Variants in ZNF330 observed in about 807,000 individuals in gnomAD.
ZNF330 encodes the protein zinc finger protein 330.
In ZNF330, 31 loss-of-function variants were observed where a neutral mutation model predicts 45.5. The observed-to-expected ratio is 0.68, with a 90% CI of 0.51 to 0.92. The LOEUF (loss-of-function observed/expected upper bound fraction) is 0.92, where lower values mean the gene tolerates loss of function less well. Ranked by LOEUF, ZNF330 falls within the 40% of genes least tolerant of loss-of-function variation. The pLI, the probability that ZNF330 is intolerant of heterozygous loss-of-function variation, is 0.00. For synonymous variants in ZNF330, 138 were observed against 123.2 expected (o/e 1.12, Z -0.79); for missense variants, 356 against 387.4 (o/e 0.92, Z 0.68).
In ZNF330 at chr4:141,229,433, T is replaced by C. The variant is rs866380515; in HGVS notation, c.292-138T>C. On this transcript the variant is annotated intron_variant, in intron 5 of 9. Coordinates refer to ENST00000262990, the MANE Select transcript of ZNF330 (RefSeq NM_014487.6). Reference sequence around the variant, plus strand: ...TTTTGGCTTAGAGTGAGTAGTAAAATGTTTAAATGAAGCGGCCTACTATCA... The same window carrying C: ...TTTTGGCTTAGAGTGAGTAGTAAAACGTTTAAATGAAGCGGCCTACTATCA... 1.6e-5 allele frequency: 18 copies of C among 1,120,324 alleles called. No homozygotes were observed. In the African/African-American group the frequency reaches 2.3e-4, roughly 15 times the overall value. 69.4% of individuals were successfully genotyped at this position (1,120,324 alleles called of 1,614,324 possible).
In ZNF330 at chr4:141,232,653, T is replaced by G; in HGVS notation, c.688+11T>G. The G allele has an allele frequency of 1.4e-6, 2 of 1,439,208 alleles. No individual in the cohort carries two copies. Among genetic ancestry groups the G allele is most frequent in the South Asian group, 1.4e-5 (1 of 69,444 alleles). 89.2% of individuals were successfully genotyped at this position (1,439,208 alleles called of 1,614,324 possible). A position where few individuals can be genotyped will look rare whatever the true frequency, so the allele number is the denominator to read the frequency against. ...ACCTTAGCATGTCAAGTAAGGCCCT[T>G]AAGATACTAAGGAAGTGATTTTTGC... On this transcript the variant is annotated intron_variant, in intron 9 of 9. Transcript: ENST00000262990.
At position 141,232,535 on chromosome 4, in the gene ZNF330, G is replaced by A. The variant is rs1339178951; in HGVS notation, c.581G>A (p.Cys194Tyr). 1.3e-6 allele frequency: 2 copies of A among 1,569,940 alleles called. No homozygotes were observed. Among genetic ancestry groups the A allele is most frequent in the Non-Finnish European group, 1.7e-6 (2 of 1,161,178 alleles). The change falls in exon 9 of 10, where the codon TGT becomes TAT. Residue 194 changes from cysteine (C) to tyrosine (Y), a missense_variant. Cys to Tyr is a radical substitution (Grantham distance 194, BLOSUM62 -2). Transcript: ENST00000262990. ...GCTTCTCCTATACAGGCTTGTTTCTGTGATGATCATACAAGGAGCAAAGTG... is the reference window on the plus strand; with the variant it reads ...GCTTCTCCTATACAGGCTTGTTTCTATGATGATCATACAAGGAGCAAAGTG... ...HSCLRCKACFCDDHTRSKVFK... is the reference protein window; with the variant it reads ...HSCLRCKACFYDDHTRSKVFK...
At chr4:141,222,522 T>G in intron 2 of ZNF330, 31 bp downstream of exon 2, 1 of 1,600,460 alleles carries the variant, frequency 6.2e-7, no homozygotes, top group Non-Finnish European at 8.5e-7. Flanking sequence ...CAGTTGGTAG[T>G]TGGAAAAACT....
chr4:141,224,577 A>G (rs1415968507), intron 3 of ZNF330, 30 bp from the exon 4 acceptor site: 1 of 1,611,594 alleles, frequency 6.2e-7, no homozygotes, highest in East Asian at 2.2e-5. Context: ...GACATTGACC[A>G]TAATTTAAAA....
chr4:141,231,557 A>G, intron 8 of ZNF330, 72 bp downstream of exon 8: 1 of 1,055,828 alleles, frequency 9.5e-7, no homozygotes, highest in South Asian at 1.6e-5. Context: ...TCCTTGGCTT[A>G]TATGCAGCTA....
At chr4:141,226,246 G>T (rs1023403374) in intron 4 of ZNF330, among the ~76,000 whole-genome samples, 1 of 151,984 alleles carries the variant, frequency 6.6e-6, no homozygotes, top group Non-Finnish European at 1.5e-5. Flanking sequence ...TTAACTGGGG[G>T]CTTCGTTGTA....
Position 141,222,508 on chromosome 4 carries a change from A to G in ZNF330, c.120+17A>G, listed in dbSNP as rs776459982. 37 of 1,605,188 alleles carry G rather than the reference A, an allele frequency of 2.3e-5. No individual in the cohort carries two copies. The highest frequency in any genetic ancestry group is 3.0e-5 in the Non-Finnish European group (35 of 1,176,916). ...GCCTCAATGGTATCAGCTTTTTTTG[A>G]TATCAGTTGGTAGTTGGAAAAACTA... On this transcript the variant is annotated intron_variant, in intron 2 of 9. Coordinates refer to ENST00000262990, the MANE Select transcript of ZNF330 (RefSeq NM_014487.6).
rs771560547 is a variant in ZNF330, at chr4:141,232,618, G to A, written c.664G>A (p.Glu222Lys). The change falls in exon 9 of 10, where the codon GAG becomes AAG. Residue 222 changes from glutamate to lysine, a missense_variant. Coordinates refer to ENST00000262990, the MANE Select transcript of ZNF330 (RefSeq NM_014487.6). Reference sequence around the variant, plus strand: ...TCCTAAATGTGGGCATGAAACTCAGGAGACTAAGGACCTTAGCATGTCAAG... The same window carrying A: ...TCCTAAATGTGGGCATGAAACTCAGAAGACTAAGGACCTTAGCATGTCAAG... ...PCPKCGHETQ[E>K]TKDLSMSTRS... 1 of 1,586,672 alleles carries A rather than the reference G, an allele frequency of 6.3e-7. No individual in the cohort carries two copies. Among genetic ancestry groups the A allele is most frequent in the Non-Finnish European group, 8.6e-7 (1 of 1,167,042 alleles).
chr4:141,220,739 C>T (rs1034099902), upstream of ZNF330: 2 of 152,338 alleles, frequency 1.3e-5, no homozygotes, highest in African/African-American at 4.8e-5. Flanking sequence ...CCTGCTTTCC[C>T]TCCTTCTGCT....
rs768435779 is a variant in ZNF330, at chr4:141,232,624, A to G, written c.670A>G (p.Lys224Glu). The G allele has an allele frequency of 2.5e-6, 4 of 1,580,376 alleles. No homozygotes were observed. In the Admixed American group the frequency reaches 7.2e-5, roughly 28 times the overall value. ...ATGTGGGCATGAAACTCAGGAGACT[A>G]AGGACCTTAGCATGTCAAGTAAGGC... ...PKCGHETQET[K>E]DLSMSTRSLK... The change falls in exon 9 of 10, where the codon AAG becomes GAG. Residue 224 changes from lysine (K) to glutamate (E), a missense_variant. Physicochemically the swap from Lys to Glu is moderately conservative, Grantham distance 56 (BLOSUM62 1). Transcript: ENST00000262990.
At chr4:141,226,421 G>A (rs922066215) in intron 4 of ZNF330, among the ~76,000 whole-genome samples, 3 of 152,078 alleles carry the variant, frequency 2.0e-5, no homozygotes, top group Admixed American at 2.0e-4. Context: ...TTTAAAAATT[G>A]TTTTGAATAA....
At chr4:141,226,583 G>A (rs920331860) in intron 4 of ZNF330, among the ~76,000 whole-genome samples, 184 bp from the exon 5 acceptor site, 10 of 151,986 alleles carry the variant, frequency 6.6e-5, no homozygotes, top group Admixed American at 1.3e-4. Flanking sequence ...AGTCTGATTC[G>A]AGTAATGAAG....
At chr4:141,228,900 C>T (rs2111254835) in intron 5 of ZNF330, among the ~76,000 whole-genome samples, 1 of 152,102 alleles carries the variant, frequency 6.6e-6, no homozygotes, top group African/African-American at 2.4e-5. Flanking sequence ...AAGATTCTTT[C>T]TAGCTTTTAA....
intron 2 of ZNF330, chr4:141,224,044 C>T: frequency 3.4e-6 from 1 of 292,246 alleles, no homozygotes; most frequent in South Asian, 3.4e-5. Flanking sequence ...TCTGGATTTT[C>T]TGTGAACTTT....
chr4:141,222,237 A>C (rs1282901737), intron 1 of ZNF330, 129 bp from the exon 2 acceptor site: 1 of 1,096,554 alleles, frequency 9.1e-7, no homozygotes, highest in African/African-American at 1.6e-5. Flanking sequence ...GAATGTGCTT[A>C]ACTATCGAAA....
Position 141,229,644 on chromosome 4 carries a change from G to A in ZNF330, c.365G>A (p.Cys122Tyr). ...TGTCTCAGTACACATGCTTGTGCCT[G>A]CCCTCTTACCGATGCTGAGTGTGTT... is the stretch of plus-strand genomic sequence containing the variant. The part of the protein sequence containing the change: ...RKCLSTHACA[C>Y]PLTDAECVEC... Residue 122 changes from cysteine (C) to tyrosine (Y), a missense_variant, in exon 6 of 10, where the codon TGC becomes TAC. Transcript: ENST00000262990. 1 of 1,613,190 alleles carries A rather than the reference G, an allele frequency of 6.2e-7. No homozygotes were observed. The highest frequency in any genetic ancestry group is 1.1e-5 in the South Asian group (1 of 91,066).
chr4:141,224,647 G>A lies in ZNF330; in HGVS notation c.181G>A (p.Val61Ile), dbSNP rs1728758790. The change falls in exon 4 of 10, where the codon GTA becomes ATA. Residue 61 changes from valine to isoleucine, a missense_variant. By Grantham distance (29) the Val-to-Ile change is conservative. Transcript: ENST00000262990. ...NRAFCYFCNS[V>I]QKLPICAQCG... ...AGCATTTTGCTACTTTTGTAATTCT[G>A]TACAGAAGTTACCAATTTGTGCACA... The A allele has an allele frequency of 6.2e-7, 1 of 1,613,496 alleles. No homozygotes were observed. Among genetic ancestry groups the A allele is most frequent in the Non-Finnish European group, 8.5e-7 (1 of 1,179,618 alleles).
In ZNF330 at chr4:141,227,579, A is replaced by C. The variant is rs900423146; in HGVS notation, c.291+733A>C. 3.3e-5 allele frequency among the ~76,000 whole-genome samples: 5 copies of C among 152,126 alleles called. No homozygotes were observed. In the South Asian group the frequency reaches 8.3e-4, roughly 25 times the overall value. On this transcript the variant is annotated intron_variant, in intron 5 of 9. Coordinates refer to ENST00000262990, the MANE Select transcript of ZNF330 (RefSeq NM_014487.6). ...TTGGTTCCAAGTCTTTGCTATTGTGAATAGTGCCACAATAAACATACGTGT... is the reference window on the plus strand; with the variant it reads ...TTGGTTCCAAGTCTTTGCTATTGTGCATAGTGCCACAATAAACATACGTGT...
At chr4:141,228,177 G>T (rs186589603) in intron 5 of ZNF330, among the ~76,000 whole-genome samples, 135 of 152,112 alleles carry the variant, frequency 8.9e-4, no homozygotes, top group African/African-American at 3.2e-3. Context: ...CTTGTGAATT[G>T]CTCTTTATTT....
Sources: allele counts gnomAD v4.1 joint callset (sites outside exome capture counted in the v4.1 genomes callset), GRCh38; gene constraint gnomAD v4.1.1; transcripts MANE v1.5; gene names NCBI Gene and HGNC (gene_info 2026-07-23, HGNC 2026-07-21).